The following KCTD16 variants were observed in gnomAD, a reference collection of about 807,000 sequenced individuals.
The protein encoded by KCTD16 is BTB/POZ domain-containing protein KCTD16.
Under a neutral mutation model 33.2 loss-of-function variants are expected in KCTD16, and 13 were observed. That is an observed-to-expected ratio of 0.39 (90% CI 0.25 to 0.62). The LOEUF is 0.62. Ranked by LOEUF, KCTD16 falls within the 20% of genes least tolerant of loss-of-function variation. The probability of loss-of-function intolerance (pLI) is 0.50; values close to 1 mark genes in which losing one functional copy is unlikely to be tolerated. For synonymous variants in KCTD16, 197 were observed against 195.3 expected (o/e 1.01, Z -0.07); for missense variants, 441 against 525.1 (o/e 0.84, Z 1.57).
At chr5:144,388,832 G>A (rs1752389187) in intron 3 of KCTD16, among the ~76,000 whole-genome samples, 1 of 152,126 alleles carries the variant, frequency 6.6e-6, no homozygotes. Context: ...GAATACATCA[G>A]TGAACAAAAC....
chr5:144,389,341 C>A (rs145213183), intron 3 of KCTD16, among the ~76,000 whole-genome samples: 1 of 152,054 alleles, frequency 6.6e-6, no homozygotes, highest in South Asian at 2.1e-4. Context: ...ATCACTTGCA[C>A]CCCTGCCTGA....
At chr5:144,304,389 G>T (rs1009261743) in intron 3 of KCTD16, among the ~76,000 whole-genome samples, 2 of 152,052 alleles carry the variant, frequency 1.3e-5, no homozygotes, top group African/African-American at 4.8e-5. Flanking sequence ...GATGTGGTCA[G>T]TGGCCCTTAA....
In KCTD16 at chr5:144,381,639, C is replaced by T. The variant is rs552859731; in HGVS notation, c.833-92021C>T. ...CACACACTTTTGAACCACCAGATCT[C>T]GTGTGAACTCAGAGCAGGAGCTCAC... On this transcript the variant is annotated intron_variant, in intron 3 of 3. Coordinates refer to ENST00000512467, the MANE Select transcript of KCTD16 (RefSeq NM_020768.4). 1.5e-3 allele frequency among the ~76,000 whole-genome samples: 226 copies of T among 152,170 alleles called. 1 individual carries two copies. Among genetic ancestry groups the T allele is most frequent in the African/African-American group, 5.2e-3 (216 of 41,510 alleles).
At chr5:144,328,493 G>A (rs904512119) in intron 3 of KCTD16, among the ~76,000 whole-genome samples, 1 of 151,974 alleles carries the variant, frequency 6.6e-6, no homozygotes, top group African/African-American at 2.4e-5. Context: ...ACCAGGAAGC[G>A]AATATCCTCT....
intron 3 of KCTD16, among the ~76,000 whole-genome samples, chr5:144,372,528 C>A (rs1698693822): frequency 2.0e-5 from 3 of 152,268 alleles, no homozygotes; most frequent in South Asian, 4.1e-4. Context: ...TTGTTCACAG[C>A]TATACCATGA....
intron 3 of KCTD16, among the ~76,000 whole-genome samples, chr5:144,282,828 C>G (rs749618794): frequency 6.6e-6 from 1 of 152,078 alleles, no homozygotes. Context: ...CACAGGGGCT[C>G]CTTTTTCCAG....
chr5:144,427,552 T>A (rs1344855137), intron 3 of KCTD16, among the ~76,000 whole-genome samples: 3 of 152,028 alleles, frequency 2.0e-5, no homozygotes, highest in Non-Finnish European at 2.9e-5. Flanking sequence ...TATTTCTTTT[T>A]AAAAAAATTG....
At chr5:144,189,058 G>A (rs1344876107) in intron 2 of KCTD16, among the ~76,000 whole-genome samples, 3 of 152,184 alleles carry the variant, frequency 2.0e-5, no homozygotes, top group Admixed American at 1.3e-4. Flanking sequence ...ATCAAAGGAT[G>A]CACTTAGACA....
At chr5:144,210,365 G>T (rs936374607) in intron 3 of KCTD16, among the ~76,000 whole-genome samples, 1 of 152,124 alleles carries the variant, frequency 6.6e-6, no homozygotes, top group Admixed American at 6.5e-5. Flanking sequence ...CAGGTGAAAT[G>T]CTATGGATTA....
At chr5:144,221,250 G>A (rs780429729) in intron 3 of KCTD16, among the ~76,000 whole-genome samples, 1 of 152,088 alleles carries the variant, frequency 6.6e-6, no homozygotes, top group Non-Finnish European at 1.5e-5. Flanking sequence ...ATGAAGAAGA[G>A]AGACATTAAA....
chr5:144,176,734 T>G (rs1166760006), intron 2 of KCTD16, among the ~76,000 whole-genome samples: 1 of 152,196 alleles, frequency 6.6e-6, no homozygotes, highest in Non-Finnish European at 1.5e-5. Flanking sequence ...CATAGATGTG[T>G]CAGATTTTAT....
chr5:144,360,036 G>T (rs1751669761), intron 3 of KCTD16, among the ~76,000 whole-genome samples: 1 of 152,044 alleles, frequency 6.6e-6, no homozygotes, highest in Admixed American at 6.6e-5. Context: ...TACCTTCAAT[G>T]AAAACCTAGT....
chr5:144,316,431 G>A (rs772999842), intron 3 of KCTD16, among the ~76,000 whole-genome samples: 4 of 151,842 alleles, frequency 2.6e-5, no homozygotes, highest in Non-Finnish European at 5.9e-5. Flanking sequence ...ATGCCTCAGC[G>A]GTATCTAAGA....
At chr5:144,450,218 C>T (rs1311083543) in intron 3 of KCTD16, among the ~76,000 whole-genome samples, 1 of 151,988 alleles carries the variant, frequency 6.6e-6, no homozygotes, top group Admixed American at 6.6e-5. Flanking sequence ...TCACTAATAT[C>T]AGGGAAATGC....
chr5:144,275,129 A>G (rs1283907013), intron 3 of KCTD16, among the ~76,000 whole-genome samples: 1 of 151,994 alleles, frequency 6.6e-6, no homozygotes, highest in African/African-American at 2.4e-5. Context: ...TGCTAAAATT[A>G]AAATGGAGAA....
chr5:144,302,101 C>A (rs906793894), intron 3 of KCTD16, among the ~76,000 whole-genome samples: 1 of 151,978 alleles, frequency 6.6e-6, no homozygotes, highest in African/African-American at 2.4e-5. Context: ...AGTGACTTGC[C>A]CAAGAGCAAA....
rs1190562238 is a variant in KCTD16 at position 144,476,454 on chromosome 5, C to G, written c.*2340C>G. ...AAGGAGTGTTCGTGGCAGTGTTCCT[C>G]TGACCCCTGACCTGTCATGAGTTTT... is the stretch of plus-strand genomic sequence containing the variant. On this transcript the variant is annotated 3_prime_UTR_variant, in exon 4 of 4. Transcript: ENST00000512467. 1 of 152,156 alleles carries G rather than the reference C, an allele frequency of 6.6e-6. No individual in the cohort carries two copies. The highest frequency in any genetic ancestry group is 2.4e-5 in the African/African-American group (1 of 41,438). The allele number at this position is 152,156 out of a possible 1,614,324, so 9.4% of individuals were successfully genotyped here.
intron 3 of KCTD16, among the ~76,000 whole-genome samples, chr5:144,316,242 G>A (rs1751909401): frequency 6.6e-6 from 1 of 152,094 alleles, no homozygotes; most frequent in African/African-American, 2.4e-5. Flanking sequence ...TAAGCATTCA[G>A]CACTGCCCTG....
At chr5:144,373,027 A>G (rs1229527738) in intron 3 of KCTD16, among the ~76,000 whole-genome samples, 1 of 152,212 alleles carries the variant, frequency 6.6e-6, no homozygotes, top group East Asian at 1.9e-4. Context: ...GACAGATTTA[A>G]GAAAAATTGA....
Sources: allele counts gnomAD v4.1 joint callset (sites outside exome capture counted in the v4.1 genomes callset), GRCh38; gene constraint gnomAD v4.1.1; transcripts MANE v1.5; gene names NCBI Gene and HGNC (gene_info 2026-07-23, HGNC 2026-07-21).